MYO16: variants seen among roughly 807,000 people sequenced by gnomAD.
The protein encoded by MYO16 is unconventional myosin-XVI.
In MYO16, 94 loss-of-function variants were observed where a neutral mutation model predicts 205.3. That is an observed-to-expected ratio of 0.46 (90% CI 0.39 to 0.54). The LOEUF (loss-of-function observed/expected upper bound fraction) is 0.54, where lower values mean the gene tolerates loss of function less well. Ranked by LOEUF, MYO16 falls within the 20% of genes least tolerant of loss-of-function variation. The pLI is 0.00. For synonymous variants in MYO16, 988 were observed against 954.0 expected (o/e 1.04, Z -0.66); for missense variants, 2,315 against 2,387.5 (o/e 0.97, Z 0.63).
chr13:108,793,786 T>G, intron 6 of MYO16, 146 bp downstream of exon 6: 4 of 934,102 alleles, frequency 4.3e-6, no homozygotes, highest in Non-Finnish European at 6.1e-6. Flanking sequence ...GGAAAACACC[T>G]AAGTAAGCAA....
At chr13:108,888,548 G>T in intron 14 of MYO16, 71 bp downstream of exon 14, 2 of 1,080,772 alleles carry the variant, frequency 1.9e-6, no homozygotes, top group Non-Finnish European at 2.7e-6. Flanking sequence ...ACAAATAGGG[G>T]AGGGGACATC....
chr13:109,096,419 A>G (rs985491502), intron 27 of MYO16, among the ~76,000 whole-genome samples: 7 of 152,174 alleles, frequency 4.6e-5, no homozygotes, highest in African/African-American at 1.4e-4. Context: ...AGTACTCTCC[A>G]AAGACCCTAA....
At chr13:108,981,683 T>C (rs1055226373) in intron 20 of MYO16, among the ~76,000 whole-genome samples, 2 of 152,256 alleles carry the variant, frequency 1.3e-5, no homozygotes, top group Non-Finnish European at 2.9e-5. Context: ...AACCTGCTAA[T>C]GTCTGCCAGG....
chr13:108,924,391 A>G (rs1030131339), intron 16 of MYO16, among the ~76,000 whole-genome samples: 2 of 152,208 alleles, frequency 1.3e-5, no homozygotes, highest in Admixed American at 6.5e-5. Context: ...TCTACAGAGT[A>G]TCTTCCCCTT....
intron 1 of MYO16, among the ~76,000 whole-genome samples, chr13:108,636,356 T>TG (rs1566519095): frequency 1.8e-3 from 90 of 49,532 alleles, no homozygotes; most frequent in Non-Finnish European, 2.9e-3. Flanking sequence ...CTTTTTTTTT[T>TG]TTTTTTTTTT....
At chr13:109,172,767 T>C (rs1878974049) in intron 33 of MYO16, among the ~76,000 whole-genome samples, 1 of 152,232 alleles carries the variant, frequency 6.6e-6, no homozygotes, top group South Asian at 2.1e-4. Context: ...TAAAATATTA[T>C]GTGTTTTAGA....
intron 34 of MYO16, among the ~76,000 whole-genome samples, chr13:109,196,505 G>A (rs917532305): frequency 2.6e-5 from 4 of 152,112 alleles, no homozygotes; most frequent in Admixed American, 2.0e-4. Context: ...ATGCTTTTCT[G>A]GTGTTCAGAG....
At chr13:109,039,610 G>T (rs1886819822) in intron 23 of MYO16, among the ~76,000 whole-genome samples, 1 of 152,136 alleles carries the variant, frequency 6.6e-6, no homozygotes, top group South Asian at 2.1e-4. Context: ...ATGGATAAAA[G>T]GGGAAATCGT....
intron 20 of MYO16, among the ~76,000 whole-genome samples, chr13:108,965,859 T>C (rs1883774669): frequency 6.6e-6 from 1 of 152,236 alleles, no homozygotes; most frequent in African/African-American, 2.4e-5. Flanking sequence ...TATTCACAAG[T>C]CTTCACGTAC....
chr13:108,713,788 G>A (rs1446254151), intron 3 of MYO16, among the ~76,000 whole-genome samples: 18 of 152,148 alleles, frequency 1.2e-4, no homozygotes, highest in African/African-American at 2.4e-5. Flanking sequence ...GAATATAGGC[G>A]TTTTCTCTCT....
intron 22 of MYO16, among the ~76,000 whole-genome samples, chr13:109,013,744 T>G (rs9587742): frequency 0.017 from 2,568 of 152,310 alleles, 77 homozygotes; most frequent in African/African-American, 0.059. Flanking sequence ...TCATGTGTCT[T>G]TTGGCTGCAT....
chr13:109,141,275 G>T lies in MYO16; in HGVS notation c.5063G>T (p.Arg1688Met). The change falls in exon 32 of 35, where the codon AGG (arginine) becomes ATG (methionine). Residue 1688 changes from arginine to methionine, a missense_variant. Arg to Met is a moderately conservative substitution (Grantham distance 91). Coordinates refer to ENST00000457511, the MANE Select transcript of MYO16 (RefSeq NM_001198950.3). This position sits in a 1 kb window ranked among gnomAD's most constrained non-coding sequence, Gnocchi z 4.1. ...PPAPYSPPSSRPLSSPLDELA... is the reference protein window; with the variant it reads ...PPAPYSPPSSMPLSSPLDELA... ...GCGCCCTACAGCCCTCCCAGCTCCAGGCCTCTCAGCAGCCCCCTGGACGAG... is the reference window on the plus strand; with the variant it reads ...GCGCCCTACAGCCCTCCCAGCTCCATGCCTCTCAGCAGCCCCCTGGACGAG... 1 of 1,601,980 alleles carries T rather than the reference G, an allele frequency of 6.2e-7. No individual in the cohort carries two copies. The highest frequency in any genetic ancestry group is 8.5e-7 in the Non-Finnish European group (1 of 1,174,594).
intron 2 of MYO16, among the ~76,000 whole-genome samples, chr13:108,698,237 T>A (rs2139511946): frequency 6.6e-6 from 1 of 152,206 alleles, no homozygotes; most frequent in Non-Finnish European, 1.5e-5. Context: ...ATTCAGAGAA[T>A]AAAGATGCTA....
chr13:108,810,274 T>C (rs1326072079), intron 7 of MYO16, among the ~76,000 whole-genome samples: 1 of 152,220 alleles, frequency 6.6e-6, no homozygotes, highest in African/African-American at 2.4e-5. Flanking sequence ...TCCACTGGAA[T>C]GCACGCTTCA....
intron 1 of MYO16, among the ~76,000 whole-genome samples, chr13:108,643,789 G>T (rs1243822555): frequency 6.6e-6 from 1 of 152,150 alleles, no homozygotes; most frequent in Non-Finnish European, 1.5e-5. Flanking sequence ...TGTTTTGCAT[G>T]GGCGCGTGGT....
chr13:109,012,430 G>A (rs748780165), intron 22 of MYO16, among the ~76,000 whole-genome samples: 10 of 152,124 alleles, frequency 6.6e-5, no homozygotes, highest in Non-Finnish European at 1.3e-4. Context: ...CTATGAGAGG[G>A]ATCTAGCTGC....
In MYO16 at chr13:108,904,328, G is replaced by A. The variant is rs183797155; in HGVS notation, c.1778-5675G>A. Among the ~76,000 whole-genome samples, 16 of 152,188 alleles carry A rather than the reference G, an allele frequency of 1.1e-4. No individual in the cohort carries two copies. In the East Asian group the frequency reaches 1.7e-3, roughly 17 times the overall value. ...AGGATTGAGTGACTTATAAAACATCGTACTATCATCACACAGACAAGTTTA... is the reference window on the plus strand; with the variant it reads ...AGGATTGAGTGACTTATAAAACATCATACTATCATCACACAGACAAGTTTA... On this transcript the variant is annotated intron_variant, in intron 15 of 34. Coordinates refer to ENST00000457511, the MANE Select transcript of MYO16 (RefSeq NM_001198950.3).
At chr13:108,770,814 A>G (rs898992566) in intron 4 of MYO16, among the ~76,000 whole-genome samples, 1 of 152,160 alleles carries the variant, frequency 6.6e-6, no homozygotes, top group Non-Finnish European at 1.5e-5. Context: ...CAACGACTAC[A>G]CATTCGAATG....
intron 32 of MYO16, among the ~76,000 whole-genome samples, chr13:109,150,280 A>G (rs575531910): frequency 6.6e-5 from 10 of 152,334 alleles, no homozygotes; most frequent in African/African-American, 2.2e-4. Flanking sequence ...CATCGGTAAC[A>G]GCAAAGTGAG....
Sources: gnomAD v4.1 joint callset for allele counts (sites outside exome capture counted in the v4.1 genomes callset) on GRCh38, gnomAD v4.1.1 for gene constraint, Gnocchi (gnomAD v3.1) non-coding constraint, MANE v1.5 for transcripts, NCBI Gene and HGNC (gene_info 2026-07-23, HGNC 2026-07-21) for gene names.